The following TRPC7 variants were observed in gnomAD, a reference collection of about 807,000 sequenced individuals.
TRPC7 encodes the protein transient receptor potential cation channel subfamily C member 7.
Under a neutral mutation model 90.1 loss-of-function variants are expected in TRPC7, and 42 were observed. The ratio of observed to expected loss-of-function variants is 0.47; its 90% CI spans 0.36 to 0.60. TRPC7 has a LOEUF of 0.60. Ranked by LOEUF, TRPC7 falls within the 20% of genes least tolerant of loss-of-function variation. The pLI is 0.00. For synonymous variants in TRPC7, 451 were observed against 436.3 expected, an observed-to-expected ratio of 1.03 and a Z score of -0.42; for missense variants, 955 against 1,112.3, an observed-to-expected ratio of 0.86 and a Z score of 2.01.
At chr5:136,365,145 A>G in intron 1 of TRPC7, 108 bp downstream of exon 1, 2 of 1,250,236 alleles carry the variant, frequency 1.6e-6, no homozygotes, top group Non-Finnish European at 2.3e-6. Flanking sequence ...TAAGCAGTGC[A>G]CTAGAGGAAG....
intron 1 of TRPC7, among the ~76,000 whole-genome samples, chr5:136,358,494 T>A (rs1760461430): frequency 6.6e-6 from 1 of 152,226 alleles, no homozygotes; most frequent in Non-Finnish European, 1.5e-5. Flanking sequence ...GTAGGGGGGC[T>A]GAAAGACAGA....
At chr5:136,251,570 G>A (rs1756515777) in intron 6 of TRPC7, 79 bp downstream of exon 6, 1 of 1,182,884 alleles carries the variant, frequency 8.5e-7, no homozygotes, top group Non-Finnish European at 1.2e-6. Flanking sequence ...AGCGTTACAA[G>A]TTCACCAGCC....
intron 2 of TRPC7, among the ~76,000 whole-genome samples, chr5:136,320,806 C>A (rs923708915): frequency 1.3e-5 from 2 of 152,198 alleles, no homozygotes; most frequent in African/African-American, 4.8e-5. Context: ...TCTACATGAA[C>A]AACCCTTAAG....
At chr5:136,350,541 C>T (rs1339386419) in intron 2 of TRPC7, among the ~76,000 whole-genome samples, 1 of 152,178 alleles carries the variant, frequency 6.6e-6, no homozygotes, top group Non-Finnish European at 1.5e-5. Flanking sequence ...ACTCATTTTC[C>T]TGTGATGACT....
intron 3 of TRPC7, among the ~76,000 whole-genome samples, chr5:136,304,877 A>T (rs1394984322): frequency 1.3e-5 from 2 of 152,232 alleles, no homozygotes; most frequent in Non-Finnish European, 2.9e-5. Context: ...TTCTTACACA[A>T]GAGCCAGGAC....
intron 10 of TRPC7, among the ~76,000 whole-genome samples, chr5:136,221,346 C>T (rs887893830): frequency 8.5e-5 from 13 of 152,170 alleles, no homozygotes; most frequent in African/African-American, 3.1e-4. Context: ...ATGAGATGCA[C>T]AATGGATAAG....
chr5:136,339,608 A>T (rs1759779239), intron 2 of TRPC7, among the ~76,000 whole-genome samples: 1 of 152,142 alleles, frequency 6.6e-6, no homozygotes. Context: ...ATACCAAGAA[A>T]CAGACTCAAA....
intron 10 of TRPC7, among the ~76,000 whole-genome samples, chr5:136,218,865 G>C (rs1473592508): frequency 6.6e-6 from 1 of 152,210 alleles, no homozygotes; most frequent in Non-Finnish European, 1.5e-5. Flanking sequence ...AAGAAACTCA[G>C]TGAGATGGGA....
At chr5:136,240,979 C>G (rs1032428664) in intron 7 of TRPC7, among the ~76,000 whole-genome samples, 10 of 152,074 alleles carry the variant, frequency 6.6e-5, no homozygotes, top group Non-Finnish European at 1.3e-4. Flanking sequence ...AGCCTTGAAG[C>G]TGGGACAGTC....
intron 3 of TRPC7, among the ~76,000 whole-genome samples, chr5:136,301,424 C>A (rs532477877): frequency 7.1e-6 from 1 of 141,156 alleles, no homozygotes; most frequent in Admixed American, 7.6e-5. Context: ...GTGACTTGTA[C>A]GTATACATCC....
chr5:136,357,078 C>T lies in TRPC7; in HGVS notation c.310G>A (p.Ala104Thr), dbSNP rs1760410876. ...TELLLKKENL[A>T]RVGDALLLAI... is the part of the protein sequence containing the mutation. Reference sequence around the variant, plus strand: ...AGCAGCAGCGCGTCCCCCACCCGTGCCAGGTTCTCCTTCTTCAGCAGCAGC... The same window carrying T: ...AGCAGCAGCGCGTCCCCCACCCGTGTCAGGTTCTCCTTCTTCAGCAGCAGC... The change falls in exon 2 of 12, where the codon GCA becomes ACA. Residue 104 changes from alanine (A) to threonine (T), a missense_variant. Transcript: ENST00000513104. 6.2e-7 allele frequency: 1 copy of T among 1,613,938 alleles called. No homozygotes were observed. The highest frequency in any genetic ancestry group is 8.5e-7 in the Non-Finnish European group (1 of 1,179,940).
At position 136,247,680 on chromosome 5, in the gene TRPC7, C is replaced by T. The variant is rs564252391; in HGVS notation, c.1635G>A (p.Ala545=). The stretch of plus-strand genomic sequence containing the variant: ...GAGAGAAGCTCAGCACGACGGCTAT[C>T]GCGTAGAGCCCTTCCGATATGATCT... ...DPQIISEGLY[A]IAVVLSFSRI... The change falls in exon 7 of 12, where the codon GCG becomes GCA. Residue 545 remains alanine, a synonymous_variant. Coordinates refer to ENST00000513104, the MANE Select transcript of TRPC7 (RefSeq NM_020389.3). The surrounding 1 kb of genome is among the most constrained non-coding windows in gnomAD (Gnocchi z 4.2). 48 of 1,613,982 alleles carry T rather than the reference C, an allele frequency of 3.0e-5. No homozygotes were observed. Among genetic ancestry groups the T allele is most frequent in the South Asian group, 2.3e-4 (21 of 91,074 alleles).
At position 136,226,070 on chromosome 5, in the gene TRPC7, A is replaced by G. The variant is rs752986415; in HGVS notation, c.2226T>C (p.Asn742=). The G allele has an allele frequency of 6.2e-7, 1 of 1,604,026 alleles. No homozygotes were observed. The highest frequency in any genetic ancestry group is 8.5e-7 in the Non-Finnish European group (1 of 1,174,828). ...LCKSKAKSCE[N]DLEMGMLNSK... ...AATTCAGCATGCCCATTTCAAGGTC[A>G]TTTTCACAGCTTTTGGCCTTAGATT... Residue 742 remains asparagine, a synonymous_variant, in exon 9 of 12, where the codon AAT becomes AAC. Transcript: ENST00000513104.
intron 2 of TRPC7, among the ~76,000 whole-genome samples, chr5:136,341,646 A>G (rs1183944091): frequency 6.6e-6 from 1 of 152,174 alleles, no homozygotes; most frequent in African/African-American, 2.4e-5. Flanking sequence ...TTTTCATATC[A>G]TATATTCCTT....
intron 7 of TRPC7, among the ~76,000 whole-genome samples, chr5:136,239,961 TCCA>T (rs938435189): frequency 6.6e-6 from 1 of 152,106 alleles, no homozygotes; most frequent in Non-Finnish European, 1.5e-5. Context: ...TCTCACCCCT[TCCA>T]ACCCACCCTT....
At chr5:136,362,364 A>G (rs1338840189) in intron 1 of TRPC7, among the ~76,000 whole-genome samples, 1 of 152,178 alleles carries the variant, frequency 6.6e-6, no homozygotes, top group African/African-American at 2.4e-5. Context: ...AGAGAAATTT[A>G]ACATTATAGA....
chr5:136,295,045 G>T (rs1383718408), intron 3 of TRPC7, among the ~76,000 whole-genome samples: 2 of 151,838 alleles, frequency 1.3e-5, no homozygotes, highest in Non-Finnish European at 2.9e-5. Flanking sequence ...AGGACAAAAA[G>T]CCAAACACTG....
At chr5:136,329,816 C>T (rs1188816787) in intron 2 of TRPC7, among the ~76,000 whole-genome samples, 4 of 152,164 alleles carry the variant, frequency 2.6e-5, no homozygotes, top group East Asian at 1.9e-4. Flanking sequence ...GGTTCTCTCT[C>T]GTGGAACTCC....
At chr5:136,320,522 C>T (rs1385967767) in intron 2 of TRPC7, among the ~76,000 whole-genome samples, 1 of 152,122 alleles carries the variant, frequency 6.6e-6, no homozygotes, top group African/African-American at 2.4e-5. Context: ...ACTCTCTCAC[C>T]TTCCTTGGAG....
Sources: allele counts gnomAD v4.1 joint callset (sites outside exome capture counted in the v4.1 genomes callset), GRCh38; gene constraint gnomAD v4.1.1; non-coding constraint Gnocchi (gnomAD v3.1); transcripts MANE v1.5; gene names NCBI Gene and HGNC (gene_info 2026-07-23, HGNC 2026-07-21).